Variants in UBE2G1 observed in about 807,000 individuals in gnomAD.
UBE2G1 encodes the protein ubiquitin conjugating enzyme E2 G1.
UBE2G1 carries 5 observed loss-of-function variants against 22.7 expected under a neutral mutation model. That is an observed-to-expected ratio of 0.22 (90% CI 0.12 to 0.46). The LOEUF (loss-of-function observed/expected upper bound fraction) is 0.46. Among genes scored for constraint, UBE2G1 ranks in the 20% least tolerant of loss-of-function variants. UBE2G1 has a pLI of 0.99. For synonymous variants in UBE2G1, 74 were observed against 67.5 expected (o/e 1.10, Z -0.47); for missense variants, 88 against 203.9 (o/e 0.43, Z 3.46).
At chr17:4,293,148 C>T (rs558640837) in intron 3 of UBE2G1, among the ~76,000 whole-genome samples, 3 of 152,270 alleles carry the variant, frequency 2.0e-5, no homozygotes, top group Admixed American at 2.0e-4. Context: ...CCCCCCACCT[C>T]CCCTCCAGCA....
At chr17:4,341,683 T>G (rs533193874) in intron 1 of UBE2G1, among the ~76,000 whole-genome samples, 11 of 152,296 alleles carry the variant, frequency 7.2e-5, no homozygotes, top group Non-Finnish European at 1.5e-4. Context: ...AGAGTTGTCT[T>G]CATTCCTTAT....
chr17:4,294,439 A>G lies in UBE2G1; in HGVS notation c.247+2278T>C, dbSNP rs911957488. ...TCAAAAAAAAAAAAAAAAAAAAAAA[A>G]AGAAAGAAACGAAAAGAAAAGAAAA... On this transcript the variant is annotated intron_variant, in intron 3 of 5. Transcript: ENST00000396981. Among the ~76,000 whole-genome samples, 6 of 69,760 alleles carry G rather than the reference A, an allele frequency of 8.6e-5. No homozygotes were observed. In the South Asian group the frequency reaches 2.6e-3, roughly 31 times the overall value. The allele number at this position is 69,760 out of a possible 152,430, so 45.8% of individuals were successfully genotyped here. A position where few individuals can be genotyped will look rare whatever the true frequency, so the allele number is the denominator to read the frequency against.
At chr17:4,365,644 C>A (rs1456459055) in intron 1 of UBE2G1, among the ~76,000 whole-genome samples, 1 of 152,072 alleles carries the variant, frequency 6.6e-6, no homozygotes. Flanking sequence ...AGCCGGAGCC[C>A]GTGCCAGGCG....
chr17:4,271,057 C>A lies in UBE2G1; in HGVS notation c.*1497G>T, dbSNP rs1464910054. On this transcript the variant is annotated 3_prime_UTR_variant, in exon 6 of 6. Coordinates refer to ENST00000396981, the MANE Select transcript of UBE2G1 (RefSeq NM_003342.5). ...GCCAAAGACTACTTCCCACACACAA[C>A]CTCACAACAAACATGAAGGAGCCTA... 3 of 152,242 alleles carry A rather than the reference C, an allele frequency of 2.0e-5. No individual in the cohort carries two copies. Among genetic ancestry groups the A allele is most frequent in the Non-Finnish European group, 4.4e-5 (3 of 68,054 alleles). 9.4% of individuals were successfully genotyped at this position (152,242 alleles called of 1,614,324 possible).
intron 1 of UBE2G1, among the ~76,000 whole-genome samples, chr17:4,338,093 C>T (rs1969669574): frequency 1.3e-5 from 2 of 151,602 alleles, no homozygotes; most frequent in African/African-American, 4.8e-5. Flanking sequence ...CTGCTTGAAC[C>T]TGGGAGGCAG....
At chr17:4,285,226 T>A (rs59090164) in intron 4 of UBE2G1, among the ~76,000 whole-genome samples, 1,806 of 151,684 alleles carry the variant, frequency 0.012, 36 homozygotes, top group African/African-American at 0.041. Context: ...TCAAAAAGAG[T>A]TCACACAACT....
chr17:4,344,654 C>G (rs944801466), intron 1 of UBE2G1, among the ~76,000 whole-genome samples: 1 of 151,940 alleles, frequency 6.6e-6, no homozygotes, highest in Non-Finnish European at 1.5e-5. Flanking sequence ...TGAGACCGGC[C>G]TGGGCAACAC....
intron 1 of UBE2G1, among the ~76,000 whole-genome samples, chr17:4,341,205 C>G (rs1271423238): frequency 6.6e-6 from 1 of 152,082 alleles, no homozygotes; most frequent in African/African-American, 2.4e-5. Flanking sequence ...ACAAACTTAA[C>G]AATTTCAGTC....
At chr17:4,351,393 T>C (rs1471994420) in intron 1 of UBE2G1, among the ~76,000 whole-genome samples, 1 of 152,242 alleles carries the variant, frequency 6.6e-6, no homozygotes, top group Non-Finnish European at 1.5e-5. Flanking sequence ...AATACCCTCG[T>C]CTGTGCCACT....
At position 4,297,175 on chromosome 17, in the gene UBE2G1, A is replaced by C. The variant is rs1348496216; in HGVS notation, c.150-361T>G. On this transcript the variant is annotated intron_variant, in intron 2 of 5. Coordinates refer to ENST00000396981, the MANE Select transcript of UBE2G1 (RefSeq NM_003342.5). The stretch of plus-strand genomic sequence containing the variant: ...CACCAATTTCTCTATGTTGATTTGA[A>C]ACTAGCCAGTCGTCTTTCTATTCCT... Among the ~76,000 whole-genome samples the C allele has an allele frequency of 4.6e-5, 7 of 152,330 alleles. No homozygotes were observed. In the East Asian group the frequency reaches 1.3e-3, roughly 29 times the overall value.
chr17:4,363,005 C>A (rs1969986796), intron 1 of UBE2G1, among the ~76,000 whole-genome samples: 1 of 152,126 alleles, frequency 6.6e-6, no homozygotes, highest in East Asian at 1.9e-4. Flanking sequence ...CTTCTGTAAT[C>A]CCAGCAACTC....
intron 2 of UBE2G1, chr17:4,302,341 T>C (rs988876598): frequency 2.1e-6 from 1 of 486,560 alleles, no homozygotes. Context: ...TCCCACATGA[T>C]GCTGGCCTTT....
At chr17:4,305,225 C>T (rs1969236815) in intron 2 of UBE2G1, among the ~76,000 whole-genome samples, 1 of 152,074 alleles carries the variant, frequency 6.6e-6, no homozygotes, top group African/African-American at 2.4e-5. Flanking sequence ...TGAGCCACTA[C>T]GCCCGGCCGA....
At chr17:4,361,937 G>A (rs1312278461) in intron 1 of UBE2G1, among the ~76,000 whole-genome samples, 1 of 148,450 alleles carries the variant, frequency 6.7e-6, no homozygotes, top group African/African-American at 2.5e-5. Context: ...AATCCAGCCT[G>A]GGCGACAGAG....
At chr17:4,287,938 A>G (rs1461871179) in intron 4 of UBE2G1, among the ~76,000 whole-genome samples, 1 of 152,280 alleles carries the variant, frequency 6.6e-6, no homozygotes, top group Admixed American at 6.5e-5. Flanking sequence ...ATCCAATCCA[A>G]TGTGAATATA....
At chr17:4,286,505 G>T (rs1456631178) in intron 4 of UBE2G1, among the ~76,000 whole-genome samples, 1 of 152,036 alleles carries the variant, frequency 6.6e-6, no homozygotes, top group Non-Finnish European at 1.5e-5. Context: ...GAACCAGTGG[G>T]ATTCAAGAAA....
At chr17:4,362,521 A>G (rs1251526739) in intron 1 of UBE2G1, among the ~76,000 whole-genome samples, 2 of 152,182 alleles carry the variant, frequency 1.3e-5, no homozygotes, top group Non-Finnish European at 1.5e-5. Context: ...GCCAAGACTG[A>G]GACACTCCAC....
chr17:4,312,286 C>A (rs373175862), intron 1 of UBE2G1, among the ~76,000 whole-genome samples: 2 of 151,858 alleles, frequency 1.3e-5, no homozygotes, highest in Non-Finnish European at 2.9e-5. Context: ...TCAGGGTTAT[C>A]AGAATATGGC....
intron 4 of UBE2G1, among the ~76,000 whole-genome samples, chr17:4,288,216 G>A (rs1050553786): frequency 6.6e-6 from 1 of 152,084 alleles, no homozygotes; most frequent in Non-Finnish European, 1.5e-5. Context: ...GAAAACTTGG[G>A]GATAATAATA....
Sources: gnomAD v4.1 joint callset for allele counts (sites outside exome capture counted in the v4.1 genomes callset) on GRCh38, gnomAD v4.1.1 for gene constraint, MANE v1.5 for transcripts, NCBI Gene and HGNC (gene_info 2026-07-23, HGNC 2026-07-21) for gene names.